Variants in NDST4 observed in about 807,000 individuals in gnomAD.
NDST4 encodes the protein N-heparan sulfate sulfotransferase 4.
NDST4 carries 63 observed loss-of-function variants against 100.8 expected under a neutral mutation model. The observed-to-expected ratio is 0.62, with a 90% CI of 0.51 to 0.77. The LOEUF is 0.77. Among genes scored for constraint, NDST4 ranks in the 30% least tolerant of loss-of-function variants. NDST4 has a pLI of 0.00. For synonymous variants in NDST4, 377 were observed against 361.8 expected, an observed-to-expected ratio of 1.04 and a Z score of -0.48; for missense variants, 943 against 1,018.4, an observed-to-expected ratio of 0.93 and a Z score of 1.01.
At chr4:114,866,953 T>C (rs1028787546) in intron 7 of NDST4, among the ~76,000 whole-genome samples, 1 of 152,024 alleles carries the variant, frequency 6.6e-6, no homozygotes, top group East Asian at 1.9e-4. Context: ...TGATGTAGAG[T>C]TGATGATAAT....
rs577672099 is a variant in NDST4 at position 115,041,799 on chromosome 4, A to G, written c.978+34260T>C. 2.4e-4 allele frequency among the ~76,000 whole-genome samples: 37 copies of G among 152,082 alleles called. No individual in the cohort carries two copies. In the South Asian group the frequency reaches 7.5e-3, roughly 31 times the overall value. On this transcript the variant is annotated intron_variant, in intron 2 of 13. Coordinates refer to ENST00000264363, the MANE Select transcript of NDST4 (RefSeq NM_022569.3). ...CTGCCTATGGGTTTAAGTTTTCTCA[A>G]CATACATTCAGGAAAGACTATATCC... is the stretch of plus-strand genomic sequence containing the variant.
chr4:114,906,455 AAGAATG>A, intron 6 of NDST4, among the ~76,000 whole-genome samples: 1 of 152,042 alleles, frequency 6.6e-6, no homozygotes, highest in Non-Finnish European at 1.5e-5. Flanking sequence ...ACTGTTCACT[AAGAATG>A]TAATCTTCAA....
At chr4:114,951,201 G>T (rs189921324) in intron 4 of NDST4, among the ~76,000 whole-genome samples, 58 of 152,170 alleles carry the variant, frequency 3.8e-4, no homozygotes, top group Admixed American at 1.4e-3. Flanking sequence ...ACATGCACAT[G>T]AATGAACACT....
intron 4 of NDST4, among the ~76,000 whole-genome samples, chr4:114,956,895 A>T (rs1726153391): frequency 6.6e-6 from 1 of 152,218 alleles, no homozygotes; most frequent in Non-Finnish European, 1.5e-5. Context: ...AAAATACAAG[A>T]TATACAAAGA....
At chr4:114,990,618 T>G (rs1354968939) in intron 2 of NDST4, among the ~76,000 whole-genome samples, 2 of 152,126 alleles carry the variant, frequency 1.3e-5, no homozygotes, top group African/African-American at 4.8e-5. Flanking sequence ...GTTTAGAAAT[T>G]TTTGAGTGAT....
chr4:114,978,472 A>G (rs1726686650), intron 2 of NDST4, among the ~76,000 whole-genome samples: 1 of 152,100 alleles, frequency 6.6e-6, no homozygotes. Context: ...ATCATGTTCA[A>G]CATTATTAAA....
intron 1 of NDST4, among the ~76,000 whole-genome samples, chr4:115,103,687 C>A (rs988265002): frequency 6.6e-6 from 1 of 152,108 alleles, no homozygotes; most frequent in Non-Finnish European, 1.5e-5. Context: ...AATTTAATTT[C>A]CTTCTATTTT....
chr4:114,860,823 C>T (rs566783104), intron 7 of NDST4, among the ~76,000 whole-genome samples: 1 of 152,278 alleles, frequency 6.6e-6, no homozygotes, highest in Admixed American at 6.5e-5. Context: ...GGAGCTTGTG[C>T]AAGAATGTGA....
chr4:114,890,494 A>T (rs28596780), intron 6 of NDST4, among the ~76,000 whole-genome samples: 12,092 of 152,108 alleles, frequency 0.079, 1,382 homozygotes, highest in African/African-American at 0.25. Flanking sequence ...TCATGTCATT[A>T]TCAATAATAT....
intron 2 of NDST4, among the ~76,000 whole-genome samples, chr4:115,056,106 C>T (rs1177335876): frequency 6.6e-6 from 1 of 152,072 alleles, no homozygotes; most frequent in African/African-American, 2.4e-5. Context: ...AATTCCAGCA[C>T]TTCGTGAGGT....
At chr4:114,917,687 C>T (rs1246474479) in intron 6 of NDST4, among the ~76,000 whole-genome samples, 2 of 152,036 alleles carry the variant, frequency 1.3e-5, no homozygotes, top group Non-Finnish European at 2.9e-5. Flanking sequence ...CATAAAAACA[C>T]AGAAAGGGAG....
At position 114,903,184 on chromosome 4, in the gene NDST4, G is replaced by C. The variant is rs113402960; in HGVS notation, c.1536+32022C>G. 8.2e-3 allele frequency among the ~76,000 whole-genome samples: 1,250 copies of C among 152,168 alleles called. 15 individuals carry two copies. The highest frequency in any genetic ancestry group is 0.028 in the African/African-American group (1,177 of 41,534). On this transcript the variant is annotated intron_variant, in intron 6 of 13. Transcript: ENST00000264363. ...AGCCAGATATGATTACTGGATAAAA[G>C]GAACTACTGTAAATAAGTTCCAATA... is the stretch of plus-strand genomic sequence containing the variant.
intron 6 of NDST4, among the ~76,000 whole-genome samples, chr4:114,907,243 G>A (rs905443337): frequency 2.0e-5 from 3 of 152,118 alleles, no homozygotes; most frequent in Non-Finnish European, 2.9e-5. Context: ...ACTGTAGATG[G>A]AGAAAATACA....
At chr4:115,103,850 A>G (rs1182649610) in intron 1 of NDST4, among the ~76,000 whole-genome samples, 1 of 152,166 alleles carries the variant, frequency 6.6e-6, no homozygotes. Context: ...AAACATCAGA[A>G]AAGCATGATA....
intron 2 of NDST4, among the ~76,000 whole-genome samples, chr4:115,071,240 C>A (rs535550627): frequency 6.6e-6 from 1 of 151,626 alleles, no homozygotes. Flanking sequence ...ATCTCTACCT[C>A]AAAATAGAAA....
At chr4:114,853,129 T>C (rs929894306) in intron 7 of NDST4, among the ~76,000 whole-genome samples, 11 of 152,184 alleles carry the variant, frequency 7.2e-5, no homozygotes, top group African/African-American at 2.4e-4. Flanking sequence ...TCAGAGGACT[T>C]GACTTAACCT....
intron 6 of NDST4, among the ~76,000 whole-genome samples, chr4:114,918,690 G>A (rs903707582): frequency 6.6e-6 from 1 of 152,126 alleles, no homozygotes; most frequent in African/African-American, 2.4e-5. Context: ...ACATCTGACA[G>A]AGACTTCTGG....
chr4:114,937,617 T>G (rs1482140478), intron 4 of NDST4, 114 bp from the exon 5 acceptor site: 1 of 850,860 alleles, frequency 1.2e-6, no homozygotes, highest in African/African-American at 1.8e-5. Context: ...ATATGAGAAT[T>G]AAAAATCCAG....
At chr4:115,040,402 T>C (rs1475822328) in intron 2 of NDST4, among the ~76,000 whole-genome samples, 1 of 150,536 alleles carries the variant, frequency 6.6e-6, no homozygotes, top group Non-Finnish European at 1.5e-5. Flanking sequence ...AATAATCACA[T>C]TGAAATTATT....
Sources: allele counts gnomAD v4.1 joint callset (sites outside exome capture counted in the v4.1 genomes callset), GRCh38; gene constraint gnomAD v4.1.1; transcripts MANE v1.5; gene names NCBI Gene and HGNC (gene_info 2026-07-23, HGNC 2026-07-21).